Variants in RRAS2 observed in about 807,000 individuals in gnomAD.
RRAS2 encodes the protein ras-related protein R-Ras2.
In RRAS2, 7 loss-of-function variants were observed where a neutral mutation model predicts 27.6. The ratio of observed to expected loss-of-function variants is 0.25; its 90% CI spans 0.14 to 0.48. RRAS2 has a LOEUF of 0.48. Ranked by LOEUF, RRAS2 falls within the 20% of genes least tolerant of loss-of-function variation. The pLI, the probability that RRAS2 is intolerant of heterozygous loss-of-function variation, is 0.99. For missense variants in RRAS2, 178 were observed against 256.2 expected (o/e 0.69, Z 2.08); for synonymous variants, 86 against 90.9 (o/e 0.95, Z 0.31).
intron 4 of RRAS2, among the ~76,000 whole-genome samples, chr11:14,282,850 C>T (rs1329890839): frequency 6.6e-6 from 1 of 152,180 alleles, no homozygotes; most frequent in Non-Finnish European, 1.5e-5. Flanking sequence ...GGCATTTCTA[C>T]ATAACCATGT....
rs531173911 is a variant in RRAS2 at position 14,320,708 on chromosome 11, TATTA to T, written c.109-24857_109-24854del. Among the ~76,000 whole-genome samples, 214 of 152,332 alleles carry T rather than the reference TATTA, an allele frequency of 1.4e-3. 2 individuals are homozygous for T. Among genetic ancestry groups the T allele is most frequent in the African/African-American group, 4.8e-3 (200 of 41,582 alleles). On this transcript the variant is annotated intron_variant, in intron 1 of 5. Transcript: ENST00000256196. ...CTTTTCTGAAAGATATTAAACATAC[TATTA>T]ATTTATTTTAAATAGGATGGATTGG...
chr11:14,320,731 G>A (rs1848203494), intron 1 of RRAS2, among the ~76,000 whole-genome samples: 1 of 151,960 alleles, frequency 6.6e-6, no homozygotes, highest in African/African-American at 2.4e-5. Context: ...TAAATAGGAT[G>A]GATTGGTAAA....
intron 1 of RRAS2, among the ~76,000 whole-genome samples, chr11:14,305,428 G>C (rs1339728223): frequency 1.3e-5 from 2 of 152,182 alleles, no homozygotes; most frequent in African/African-American, 2.4e-5. Context: ...GAAATGGGAA[G>C]AGAATTTCTT....
chr11:14,362,955 A>C (rs1200877402), upstream of RRAS2, among the ~76,000 whole-genome samples: 3 of 152,246 alleles, frequency 2.0e-5, no homozygotes, highest in Admixed American at 2.0e-4. Context: ...CAACAGGCAG[A>C]TTCAGAGCCA....
chr11:14,357,538 T>G (rs1332218368), intron 1 of RRAS2, among the ~76,000 whole-genome samples: 1 of 152,208 alleles, frequency 6.6e-6, no homozygotes, highest in Non-Finnish European at 1.5e-5. Context: ...CTTCCTGGAT[T>G]CAAAGGTTTT....
At chr11:14,303,796 T>C (rs1847769317) in intron 1 of RRAS2, among the ~76,000 whole-genome samples, 2 of 152,302 alleles carry the variant, frequency 1.3e-5, no homozygotes, top group Non-Finnish European at 2.9e-5. Context: ...TGTCTCTGGC[T>C]CCTTCAGAGT....
intron 4 of RRAS2, among the ~76,000 whole-genome samples, chr11:14,291,787 T>A (rs1440301592): frequency 6.6e-6 from 1 of 152,148 alleles, no homozygotes; most frequent in Non-Finnish European, 1.5e-5. Context: ...GGAAACTGCA[T>A]ACCACATTCT....
chr11:14,359,892 G>T (rs1474767763), upstream of RRAS2, among the ~76,000 whole-genome samples: 2 of 152,088 alleles, frequency 1.3e-5, no homozygotes, highest in Admixed American at 6.5e-5. Flanking sequence ...TTTTTAATAA[G>T]AATTAAATGA....
At chr11:14,341,656 T>C (rs2134023566) in intron 1 of RRAS2, among the ~76,000 whole-genome samples, 1 of 152,288 alleles carries the variant, frequency 6.6e-6, no homozygotes, top group East Asian at 1.9e-4. Context: ...AACACTTGTG[T>C]CTCGTCAAAC....
Position 14,297,533 on chromosome 11 carries a change from G to T in RRAS2, c.109-1678C>A, listed in dbSNP as rs1029262456. Among the ~76,000 whole-genome samples the T allele has an allele frequency of 4.6e-5, 7 of 152,156 alleles. No homozygotes were observed. The East Asian group carries it at 1.3e-3, about 29-fold the overall frequency. On this transcript the variant is annotated intron_variant, in intron 1 of 5. Coordinates refer to ENST00000256196, the MANE Select transcript of RRAS2 (RefSeq NM_012250.6). ...CTCATGCCTGTAATCCTAACACTTTGTGAAAATTACTTGAGCCCAGGAGTT... is the reference window on the plus strand; with the variant it reads ...CTCATGCCTGTAATCCTAACACTTTTTGAAAATTACTTGAGCCCAGGAGTT...
intron 1 of RRAS2, among the ~76,000 whole-genome samples, chr11:14,312,777 T>A (rs1554949029): frequency 2.0e-5 from 3 of 152,172 alleles, no homozygotes; most frequent in Non-Finnish European, 4.4e-5. Flanking sequence ...TATGGCACAA[T>A]AAAATTCAAA....
chr11:14,309,264 G>A (rs1447268852), intron 1 of RRAS2, among the ~76,000 whole-genome samples: 2 of 152,228 alleles, frequency 1.3e-5, no homozygotes, highest in African/African-American at 4.8e-5. Context: ...ATTAAAGGGG[G>A]TGATTTCCAC....
chr11:14,335,342 T>C (rs150496462), intron 1 of RRAS2, among the ~76,000 whole-genome samples: 161 of 152,272 alleles, frequency 1.1e-3, no homozygotes, highest in Non-Finnish European at 1.8e-3. Flanking sequence ...CTAAATCTCT[T>C]ACCTACACTT....
At chr11:14,305,118 C>CT (rs1370850294) in intron 1 of RRAS2, among the ~76,000 whole-genome samples, 2 of 152,146 alleles carry the variant, frequency 1.3e-5, no homozygotes, top group Admixed American at 1.3e-4. Context: ...CTCAGACTGC[C>CT]TAAAGCAACC....
chr11:14,304,558 C>T (rs1847791030), intron 1 of RRAS2, among the ~76,000 whole-genome samples: 1 of 152,172 alleles, frequency 6.6e-6, no homozygotes, highest in Admixed American at 6.5e-5. Context: ...ATATGTATGT[C>T]CCAGGACATA....
chr11:14,308,762 C>A (rs1288879943), intron 1 of RRAS2, among the ~76,000 whole-genome samples: 1 of 152,156 alleles, frequency 6.6e-6, no homozygotes, highest in Non-Finnish European at 1.5e-5. Flanking sequence ...ATTTTCTGTA[C>A]TTTACAGCTC....
At chr11:14,335,562 C>A (rs549873148) in intron 1 of RRAS2, among the ~76,000 whole-genome samples, 17 of 152,128 alleles carry the variant, frequency 1.1e-4, no homozygotes, top group Non-Finnish European at 2.1e-4. Context: ...AAGAAAACAT[C>A]AATTACAACA....
intron 1 of RRAS2, among the ~76,000 whole-genome samples, chr11:14,320,221 C>T (rs1283633707): frequency 3.9e-5 from 6 of 152,034 alleles, no homozygotes; most frequent in Non-Finnish European, 8.8e-5. Context: ...ATTCATTGAA[C>T]AGAAAGCAAT....
chr11:14,294,131 T>C (rs1274419652), intron 4 of RRAS2, among the ~76,000 whole-genome samples: 1 of 152,216 alleles, frequency 6.6e-6, no homozygotes. Flanking sequence ...GTGGTAACTT[T>C]GAAATTATCC....
Sources: gnomAD v4.1 joint callset for allele counts (sites outside exome capture counted in the v4.1 genomes callset) on GRCh38, gnomAD v4.1.1 for gene constraint, MANE v1.5 for transcripts, NCBI Gene and HGNC (gene_info 2026-07-23, HGNC 2026-07-21) for gene names.